LYPLAL1: variants seen among roughly 807,000 people sequenced by gnomAD.
LYPLAL1 encodes lysophospholipase like 1, also known as lysophospholipase-like protein 1.
In LYPLAL1, 23 loss-of-function variants were observed where a neutral mutation model predicts 19.7. The ratio of observed to expected loss-of-function variants is 1.17; its 90% CI spans 0.84 to 1.65. LYPLAL1 has a LOEUF of 1.65. Ranked by LOEUF, LYPLAL1 falls within the 40% of genes most tolerant of loss-of-function variation. The probability of loss-of-function intolerance (pLI) is 0.00; values close to 1 mark genes in which losing one functional copy is unlikely to be tolerated. For missense variants in LYPLAL1, 355 were observed against 279.4 expected (o/e 1.27, Z -1.93); for synonymous variants, 119 against 96.3 (o/e 1.24, Z -1.38).
At chr1:219,398,125 G>A in the LYPLAL1 span, among the ~76,000 whole-genome samples, 2 of 152,286 alleles carry the variant, frequency 1.3e-5, no homozygotes, top group Non-Finnish European at 2.9e-5. Context: ...AGTTGTCATG[G>A]ATGATATCCT....
At chr1:219,265,936 G>A in the LYPLAL1 span, among the ~76,000 whole-genome samples, 2 of 152,080 alleles carry the variant, frequency 1.3e-5, no homozygotes, top group African/African-American at 2.4e-5. Context: ...CACTTAACAG[G>A]AATAAAGTTT....
At chr1:219,305,453 CT>C in the LYPLAL1 span, among the ~76,000 whole-genome samples, 1 of 152,106 alleles carries the variant, frequency 6.6e-6, no homozygotes, top group Non-Finnish European at 1.5e-5. Context: ...ATGCCTCCCC[CT>C]CAAGACTATT....
At chr1:219,231,723 T>C in the LYPLAL1 span, among the ~76,000 whole-genome samples, 1 of 152,188 alleles carries the variant, frequency 6.6e-6, no homozygotes, top group African/African-American at 2.4e-5. Context: ...CAGACTGATG[T>C]TTTGTCTGCA....
the LYPLAL1 span, among the ~76,000 whole-genome samples, chr1:219,308,505 A>C: frequency 2.9e-4 from 44 of 152,314 alleles, no homozygotes; most frequent in African/African-American, 1.0e-3. Context: ...TCTAGGAGGA[A>C]ATAATGGTCT....
chr1:219,233,397 GA>G, the LYPLAL1 span, among the ~76,000 whole-genome samples: 6 of 152,272 alleles, frequency 3.9e-5, no homozygotes, highest in African/African-American at 1.2e-4. Flanking sequence ...TTTGCAGTAT[GA>G]AAAGCTCTGG....
At chr1:219,412,027 C>G in the LYPLAL1 span, 3 of 152,072 alleles carry the variant, frequency 2.0e-5, no homozygotes, top group Non-Finnish European at 2.9e-5. Flanking sequence ...TTAGAGACTC[C>G]CTATTTCATT....
the LYPLAL1 span, among the ~76,000 whole-genome samples, chr1:219,285,765 G>A: frequency 6.6e-6 from 1 of 152,164 alleles, no homozygotes; most frequent in Non-Finnish European, 1.5e-5. Context: ...TTTTCTTTTA[G>A]GGGCAATGAA....
the LYPLAL1 span, among the ~76,000 whole-genome samples, chr1:219,415,773 C>T: frequency 2.6e-5 from 4 of 152,172 alleles, no homozygotes; most frequent in Non-Finnish European, 4.4e-5. Flanking sequence ...GGCCATGTTC[C>T]CTCTGGAACT....
the LYPLAL1 span, among the ~76,000 whole-genome samples, chr1:219,401,806 G>A: frequency 3.9e-5 from 6 of 152,148 alleles, no homozygotes; most frequent in African/African-American, 1.4e-4. Flanking sequence ...TAGGATATAT[G>A]CTTTAATTTG....
chr1:219,311,709 C>A, the LYPLAL1 span, among the ~76,000 whole-genome samples: 27 of 152,154 alleles, frequency 1.8e-4, no homozygotes, highest in Admixed American at 4.6e-4. Context: ...CATGATTATA[C>A]CACCAGGACA....
chr1:219,435,217 TAGAC>T, the LYPLAL1 span: 1 of 152,160 alleles, frequency 6.6e-6, no homozygotes, highest in Non-Finnish European at 1.5e-5. Context: ...AAAAATGTCT[TAGAC>T]AGTAAAGAGA....
At chr1:219,387,585 G>A in the LYPLAL1 span, among the ~76,000 whole-genome samples, 2 of 152,194 alleles carry the variant, frequency 1.3e-5, no homozygotes, top group African/African-American at 4.8e-5. Context: ...TATAATTTTC[G>A]TTCATCCAAC....
At chr1:219,300,739 G>A in the LYPLAL1 span, among the ~76,000 whole-genome samples, 2 of 151,686 alleles carry the variant, frequency 1.3e-5, no homozygotes, top group African/African-American at 4.8e-5. Context: ...GTTTCACTGT[G>A]TTAGCCAAGA....
chr1:219,280,225 A>G, the LYPLAL1 span, among the ~76,000 whole-genome samples: 1 of 152,230 alleles, frequency 6.6e-6, no homozygotes, highest in Non-Finnish European at 1.5e-5. Context: ...GAACCTCATA[A>G]CTTTTCTAAG....
the LYPLAL1 span, among the ~76,000 whole-genome samples, chr1:219,437,461 G>A: frequency 4.3e-4 from 65 of 152,008 alleles, no homozygotes; most frequent in East Asian, 2.1e-3. Flanking sequence ...TCTCTTACCC[G>A]AACTCTTGCA....
the LYPLAL1 span, among the ~76,000 whole-genome samples, chr1:219,393,126 C>T: frequency 6.6e-6 from 1 of 152,096 alleles, no homozygotes; most frequent in Non-Finnish European, 1.5e-5. Flanking sequence ...ACTGGGCTCC[C>T]CTAAAGCCTT....
chr1:219,291,931 C>CT, the LYPLAL1 span, among the ~76,000 whole-genome samples: 1 of 151,484 alleles, frequency 6.6e-6, no homozygotes, highest in Non-Finnish European at 1.5e-5. Flanking sequence ...AGCTTGCTTA[C>CT]TTTTTTCAGG....
At chr1:219,341,978 A>G in the LYPLAL1 span, among the ~76,000 whole-genome samples, 6 of 152,122 alleles carry the variant, frequency 3.9e-5, no homozygotes, top group African/African-American at 1.2e-4. Context: ...TATTCTCAAT[A>G]CTTTTTATTA....
At chr1:219,410,615 G>A in the LYPLAL1 span, among the ~76,000 whole-genome samples, 3 of 152,380 alleles carry the variant, frequency 2.0e-5, no homozygotes, top group Non-Finnish European at 2.9e-5. Context: ...GGCCAAGGCC[G>A]GAGCCCACTC....
Sources: allele counts gnomAD v4.1 joint callset (sites outside exome capture counted in the v4.1 genomes callset), GRCh38; gene constraint gnomAD v4.1.1; transcripts MANE v1.5; gene names NCBI Gene and HGNC (gene_info 2026-07-23, HGNC 2026-07-21).